Variants in FHIT observed in about 807,000 individuals in gnomAD.
The protein encoded by FHIT is fragile histidine triad diadenosine triphosphatase.
Under a neutral mutation model 17.9 loss-of-function variants are expected in FHIT, and 19 were observed. That is an observed-to-expected ratio of 1.06 (90% CI 0.74 to 1.56). FHIT has a LOEUF of 1.56. FHIT is among the 40% of genes most tolerant of loss of function. FHIT has a pLI of 0.00. For synonymous variants in FHIT, 81 were observed against 69.7 expected (o/e 1.16, Z -0.81); for missense variants, 248 against 189.2 (o/e 1.31, Z -1.82).
chr3:61,035,460 A>C (rs2033196155), intron 3 of FHIT, among the ~76,000 whole-genome samples: 1 of 152,154 alleles, frequency 6.6e-6, no homozygotes, highest in Non-Finnish European at 1.5e-5. Flanking sequence ...ACTACCCAAA[A>C]TTTACTTTGC....
At chr3:59,891,739 T>A (rs980995229) in intron 8 of FHIT, among the ~76,000 whole-genome samples, 2 of 152,150 alleles carry the variant, frequency 1.3e-5, no homozygotes, top group African/African-American at 4.8e-5. Context: ...ATAAAACATA[T>A]GGGTTCTTAA....
rs1266712666 is a variant in FHIT at position 59,951,086 on chromosome 3, T to A, written c.280-28672A>T. ...CACTTCCCACCACAATCTTATAACC[T>A]AAGTATTAATTACCTATGTGTTATG... On this transcript the variant is annotated intron_variant, in intron 7 of 9. Coordinates refer to ENST00000492590, the MANE Select transcript of FHIT (RefSeq NM_002012.4). 2.0e-5 allele frequency among the ~76,000 whole-genome samples: 3 copies of A among 152,178 alleles called. No homozygotes were observed. The East Asian group carries it at 5.8e-4, about 29-fold the overall frequency.
intron 5 of FHIT, among the ~76,000 whole-genome samples, chr3:60,086,928 C>A (rs1703518475): frequency 6.6e-6 from 1 of 152,160 alleles, no homozygotes; most frequent in African/African-American, 2.4e-5. Context: ...CACTAGGAAC[C>A]CTGATAGAGA....
intron 5 of FHIT, among the ~76,000 whole-genome samples, chr3:60,383,942 CT>C (rs1244713900): frequency 6.6e-6 from 1 of 152,086 alleles, no homozygotes; most frequent in African/African-American, 2.4e-5. Context: ...TAAATCACTT[CT>C]GGAAAATGTT....
chr3:59,909,401 C>T (rs558654494), intron 8 of FHIT, among the ~76,000 whole-genome samples: 20 of 152,204 alleles, frequency 1.3e-4, no homozygotes, highest in African/African-American at 4.6e-4. Flanking sequence ...ATGATCTCAG[C>T]TCACTGCAAC....
intron 2 of FHIT, among the ~76,000 whole-genome samples, chr3:61,081,712 A>T (rs953155544): frequency 2.6e-5 from 4 of 152,120 alleles, no homozygotes; most frequent in African/African-American, 7.2e-5. Context: ...CTCTTCTATG[A>T]GGACACCATT....
intron 2 of FHIT, among the ~76,000 whole-genome samples, chr3:61,113,002 A>ATTTG (rs145494395): frequency 2.5e-4 from 38 of 151,614 alleles, no homozygotes; most frequent in African/African-American, 5.1e-4. Flanking sequence ...GTGTGTGTTT[A>ATTTG]TTTGTTTGTT....
chr3:60,583,081 A>G (rs2037798297), intron 4 of FHIT, among the ~76,000 whole-genome samples: 2 of 151,908 alleles, frequency 1.3e-5, no homozygotes, highest in South Asian at 4.2e-4. Flanking sequence ...TCAACACAAG[A>G]AAACAGGAGG....
chr3:60,993,938 T>G (rs1487008634), intron 3 of FHIT, among the ~76,000 whole-genome samples: 1 of 152,322 alleles, frequency 6.6e-6, no homozygotes, highest in East Asian at 1.9e-4. Context: ...ACGTGCCTAT[T>G]GAGCACCTGA....
intron 3 of FHIT, among the ~76,000 whole-genome samples, chr3:60,906,767 T>A (rs1201103717): frequency 4.6e-5 from 7 of 152,202 alleles, no homozygotes; most frequent in Non-Finnish European, 8.8e-5. Context: ...GTGCTTATAA[T>A]TTGTGTATTT....
At chr3:60,385,254 T>C (rs1036768291) in intron 5 of FHIT, among the ~76,000 whole-genome samples, 1 of 152,218 alleles carries the variant, frequency 6.6e-6, no homozygotes, top group African/African-American at 2.4e-5. Flanking sequence ...TAATGGGCTA[T>C]GGTGGAGAAG....
intron 3 of FHIT, among the ~76,000 whole-genome samples, chr3:60,965,697 A>T (rs527658005): frequency 6.6e-6 from 1 of 152,292 alleles, no homozygotes; most frequent in South Asian, 2.1e-4. Context: ...AGTTTGCTGG[A>T]GGTCCACTCC....
At chr3:60,512,430 A>C (rs1196026116) in intron 5 of FHIT, among the ~76,000 whole-genome samples, 1 of 152,198 alleles carries the variant, frequency 6.6e-6, no homozygotes, top group African/African-American at 2.4e-5. Flanking sequence ...CTGAAAATCT[A>C]CTTAACTCCA....
At chr3:60,306,310 T>C (rs894304206) in intron 5 of FHIT, among the ~76,000 whole-genome samples, 12 of 152,120 alleles carry the variant, frequency 7.9e-5, no homozygotes, top group African/African-American at 2.9e-4. Flanking sequence ...CTCCCCTAAG[T>C]CAATACATCC....
chr3:60,058,344 T>C (rs911691563), intron 5 of FHIT, among the ~76,000 whole-genome samples: 1 of 152,082 alleles, frequency 6.6e-6, no homozygotes, highest in Non-Finnish European at 1.5e-5. Context: ...TTGGGCAGGA[T>C]GGTCTGGATC....
chr3:60,945,566 G>A (rs1351206072), intron 3 of FHIT, among the ~76,000 whole-genome samples: 1 of 152,044 alleles, frequency 6.6e-6, no homozygotes, highest in Non-Finnish European at 1.5e-5. Context: ...CTTATTTTTT[G>A]TATATTTAGT....
At chr3:59,889,869 T>C (rs1298714214) in intron 8 of FHIT, among the ~76,000 whole-genome samples, 1 of 152,192 alleles carries the variant, frequency 6.6e-6, no homozygotes, top group Non-Finnish European at 1.5e-5. Context: ...GAAAAGGGTA[T>C]TGTTCTTTTC....
chr3:59,882,183 G>A (rs1703435795), intron 8 of FHIT, among the ~76,000 whole-genome samples: 1 of 149,802 alleles, frequency 6.7e-6, no homozygotes, highest in Admixed American at 6.6e-5. Flanking sequence ...ACACACTGCT[G>A]GTAGGAAATG....
intron 7 of FHIT, among the ~76,000 whole-genome samples, chr3:59,936,191 C>T (rs1360820124): frequency 6.6e-6 from 1 of 152,124 alleles, no homozygotes; most frequent in Non-Finnish European, 1.5e-5. Context: ...AGAAACCTAA[C>T]CTTTCTTTGG....
Sources: gnomAD v4.1 joint callset for allele counts (sites outside exome capture counted in the v4.1 genomes callset) on GRCh38, gnomAD v4.1.1 for gene constraint, MANE v1.5 for transcripts, NCBI Gene and HGNC (gene_info 2026-07-23, HGNC 2026-07-21) for gene names.